The following TNIK variants were observed in gnomAD, a reference collection of about 807,000 sequenced individuals.
TNIK encodes the protein TRAF2 and NCK interacting kinase, also known as TRAF2 and NCK-interacting protein kinase.
TNIK carries 49 observed loss-of-function variants against 191.3 expected under a neutral mutation model. The observed-to-expected ratio is 0.26, with a 90% CI of 0.20 to 0.32. The LOEUF is 0.32. Among genes scored for constraint, TNIK ranks in the 10% least tolerant of loss-of-function variants. The pLI is 1.00. For missense variants in TNIK, 1,155 were observed against 1,702.3 expected (o/e 0.68, Z 5.66); for synonymous variants, 594 against 600.9 (o/e 0.99, Z 0.17).
chr3:171,398,532 C>G (rs1379225024), intron 1 of TNIK, among the ~76,000 whole-genome samples: 1 of 152,202 alleles, frequency 6.6e-6, no homozygotes, highest in Non-Finnish European at 1.5e-5. Flanking sequence ...ATGGCCCACA[C>G]AGCCCTTCAC....
chr3:171,429,377 T>C (rs1430542195), intron 1 of TNIK, among the ~76,000 whole-genome samples: 3 of 152,192 alleles, frequency 2.0e-5, no homozygotes, highest in Non-Finnish European at 4.4e-5. Context: ...ATAAATAATA[T>C]TTATTGGCTC....
rs1368047585 is a variant in TNIK, at chr3:171,450,782, C to T, written c.57+9225G>A. Among the ~76,000 whole-genome samples, 5 of 152,134 alleles carry T rather than the reference C, an allele frequency of 3.3e-5. No individual in the cohort carries two copies. In the East Asian group the frequency reaches 7.7e-4, roughly 23 times the overall value. On this transcript the variant is annotated intron_variant, in intron 1 of 32. Coordinates refer to ENST00000436636, the MANE Select transcript of TNIK (RefSeq NM_015028.4). ...TTTAAATGAATGAATTAATTGCATTCACACAATTGATATTTATTCAATCAA... is the reference window on the plus strand; with the variant it reads ...TTTAAATGAATGAATTAATTGCATTTACACAATTGATATTTATTCAATCAA...
intron 2 of TNIK, among the ~76,000 whole-genome samples, chr3:171,262,161 C>A (rs1170499696): frequency 6.6e-6 from 1 of 152,084 alleles, no homozygotes; most frequent in Non-Finnish European, 1.5e-5. Flanking sequence ...CTGACCTAGA[C>A]CTAGAGGCTT....
chr3:171,098,918 A>G (rs923848071), intron 22 of TNIK, among the ~76,000 whole-genome samples: 2 of 152,208 alleles, frequency 1.3e-5, no homozygotes, highest in Admixed American at 1.3e-4. Context: ...TGAAGTAAAC[A>G]TACACACATA....
At chr3:171,115,232 G>A (rs1349301381) in intron 18 of TNIK, among the ~76,000 whole-genome samples, 2 of 152,170 alleles carry the variant, frequency 1.3e-5, no homozygotes, top group African/African-American at 4.8e-5. Context: ...TTTCTTCCCT[G>A]GTGGTTGTGG....
chr3:171,342,697 T>C (rs907099239), intron 2 of TNIK, among the ~76,000 whole-genome samples: 5 of 152,224 alleles, frequency 3.3e-5, no homozygotes, highest in African/African-American at 7.2e-5. Context: ...AATGAATAAA[T>C]GGGGCAGAAA....
intron 3 of TNIK, among the ~76,000 whole-genome samples, chr3:171,214,371 A>T (rs1161900610): frequency 6.6e-6 from 1 of 152,170 alleles, no homozygotes; most frequent in Non-Finnish European, 1.5e-5. Flanking sequence ...TAAGTGAAAA[A>T]GTTATAGCCC....
intron 28 of TNIK, among the ~76,000 whole-genome samples, chr3:171,075,607 T>TA (rs368452757): frequency 6.6e-6 from 1 of 152,106 alleles, no homozygotes; most frequent in African/African-American, 2.4e-5. Context: ...CATTCCTTTT[T>TA]AAAAAAACAA....
intron 7 of TNIK, among the ~76,000 whole-genome samples, chr3:171,187,478 C>T (rs1349393218): frequency 1.3e-5 from 2 of 152,086 alleles, no homozygotes; most frequent in Non-Finnish European, 2.9e-5. Context: ...CACTGAGATA[C>T]GGGGCCTCAA....
At chr3:171,307,113 C>T (rs769541120) in intron 2 of TNIK, among the ~76,000 whole-genome samples, 7 of 152,130 alleles carry the variant, frequency 4.6e-5, no homozygotes, top group Non-Finnish European at 8.8e-5. Context: ...AATACCAAAT[C>T]GTCCTTCACA....
At chr3:171,166,695 A>G (rs1734658591) in intron 10 of TNIK, among the ~76,000 whole-genome samples, 1 of 152,230 alleles carries the variant, frequency 6.6e-6, no homozygotes, top group Non-Finnish European at 1.5e-5. Flanking sequence ...CATAAATTTA[A>G]ATGTTGAAGA....
intron 1 of TNIK, among the ~76,000 whole-genome samples, chr3:171,444,584 A>G (rs1173998648): frequency 1.3e-5 from 2 of 151,910 alleles, no homozygotes; most frequent in African/African-American, 4.8e-5. Flanking sequence ...TAAAAAAAAA[A>G]AAAAAAAGAA....
At chr3:171,075,071 GT>G (rs1719719742) in intron 28 of TNIK, among the ~76,000 whole-genome samples, 1 of 152,176 alleles carries the variant, frequency 6.6e-6, no homozygotes, top group South Asian at 2.1e-4. Flanking sequence ...GTAGCCTGAT[GT>G]TTTTGAAAAA....
At chr3:171,349,614 C>G (rs558913207) in intron 2 of TNIK, among the ~76,000 whole-genome samples, 5 of 152,278 alleles carry the variant, frequency 3.3e-5, no homozygotes, top group African/African-American at 1.2e-4. Flanking sequence ...AAATTTGACA[C>G]ATTTCCCCAA....
chr3:171,131,992 C>T (rs1729371447), intron 15 of TNIK, among the ~76,000 whole-genome samples: 1 of 152,182 alleles, frequency 6.6e-6, no homozygotes, highest in Admixed American at 6.5e-5. Context: ...AAAACCTCTC[C>T]CATCTAGAAG....
chr3:171,401,810 G>A (rs557250178), intron 1 of TNIK, among the ~76,000 whole-genome samples: 102 of 152,326 alleles, frequency 6.7e-4, no homozygotes, highest in Non-Finnish European at 1.1e-3. Flanking sequence ...TCATAGGGCT[G>A]TTGGAAGAAT....
intron 15 of TNIK, among the ~76,000 whole-genome samples, chr3:171,133,212 T>C (rs2108601391): frequency 6.6e-6 from 1 of 152,324 alleles, no homozygotes; most frequent in East Asian, 1.9e-4. Context: ...CTTACTAATA[T>C]TCCAGAAAAA....
intron 2 of TNIK, among the ~76,000 whole-genome samples, chr3:171,356,471 A>T (rs1011905070): frequency 6.6e-6 from 1 of 152,186 alleles, no homozygotes; most frequent in Non-Finnish European, 1.5e-5. Context: ...GCCATGAATC[A>T]CCTTTTAGTA....
At chr3:171,231,609 A>T (rs1206298794) in intron 2 of TNIK, among the ~76,000 whole-genome samples, 1 of 152,166 alleles carries the variant, frequency 6.6e-6, no homozygotes, top group Admixed American at 6.5e-5. Flanking sequence ...AGGGCCATGA[A>T]GGAACTTGCC....
Sources: gnomAD v4.1 joint callset for allele counts (sites outside exome capture counted in the v4.1 genomes callset) on GRCh38, gnomAD v4.1.1 for gene constraint, MANE v1.5 for transcripts, NCBI Gene and HGNC (gene_info 2026-07-23, HGNC 2026-07-21) for gene names.